The following RALYL variants were observed in gnomAD, a reference collection of about 807,000 sequenced individuals.
RALYL encodes the protein RNA-binding Raly-like protein.
A neutral mutation model predicts 35.1 loss-of-function variants in RALYL; 29 were observed. The observed-to-expected ratio is 0.83, with a 90% confidence interval of 0.61 to 1.13. The LOEUF is 1.13. Ranked by LOEUF, RALYL falls within the 50% of genes most tolerant of loss-of-function variation. The pLI is 0.00. For missense variants in RALYL, 359 were observed against 360.4 expected, an observed-to-expected ratio of 1.00 and a Z score of 0.03; for synonymous variants, 120 against 127.6, an observed-to-expected ratio of 0.94 and a Z score of 0.40.
At chr8:84,556,476 C>T (rs891988703) in intron 2 of RALYL, among the ~76,000 whole-genome samples, 3 of 151,866 alleles carry the variant, frequency 2.0e-5, no homozygotes, top group African/African-American at 7.3e-5. Flanking sequence ...AAGCTCCTAT[C>T]GACCATGAAG....
chr8:84,744,156 G>A (rs1041337306), intron 2 of RALYL, among the ~76,000 whole-genome samples: 4 of 152,034 alleles, frequency 2.6e-5, no homozygotes, highest in Non-Finnish European at 5.9e-5. Context: ...GCAGGAGATA[G>A]TTAGATATTG....
chr8:84,446,547 T>C (rs1234980588), intron 1 of RALYL, among the ~76,000 whole-genome samples: 1 of 152,092 alleles, frequency 6.6e-6, no homozygotes, highest in African/African-American at 2.4e-5. Flanking sequence ...TTCTTCCTGG[T>C]ATGTCAATTT....
At chr8:84,818,273 G>A (rs183441148) in intron 4 of RALYL, among the ~76,000 whole-genome samples, 1 of 152,312 alleles carries the variant, frequency 6.6e-6, no homozygotes, top group East Asian at 1.9e-4. Context: ...CTGATTTAAG[G>A]ATGGTTGGTA....
chr8:84,317,439 T>G (rs1843963622), intron 1 of RALYL, among the ~76,000 whole-genome samples: 1 of 152,138 alleles, frequency 6.6e-6, no homozygotes, highest in Admixed American at 6.6e-5. Context: ...CTGCCTCAAT[T>G]CTAATGTCAT....
intron 2 of RALYL, among the ~76,000 whole-genome samples, chr8:84,748,460 C>G (rs890590601): frequency 6.6e-6 from 1 of 151,954 alleles, no homozygotes. Context: ...CTCTCAAGGA[C>G]AAGATGATCT....
At chr8:84,355,105 A>G (rs60228936) in intron 1 of RALYL, among the ~76,000 whole-genome samples, 7,509 of 150,228 alleles carry the variant, frequency 0.05, 1,041 homozygotes, top group African/African-American at 0.17. Flanking sequence ...CATGAAGAAG[A>G]CGTAAGGAGA....
At chr8:84,616,634 T>G (rs1819749280) in intron 2 of RALYL, among the ~76,000 whole-genome samples, 1 of 151,402 alleles carries the variant, frequency 6.6e-6, no homozygotes, top group African/African-American at 2.4e-5. Flanking sequence ...TTGTTGCCAT[T>G]GCTTTTGGTG....
chr8:84,361,807 G>A (rs910860617), intron 1 of RALYL, among the ~76,000 whole-genome samples: 1 of 152,158 alleles, frequency 6.6e-6, no homozygotes, highest in African/African-American at 2.4e-5. Context: ...GAACTGGTGG[G>A]TGAAGAAGTT....
intron 1 of RALYL, among the ~76,000 whole-genome samples, chr8:84,421,553 T>A (rs1328314894): frequency 1.5e-5 from 2 of 136,972 alleles, no homozygotes; most frequent in Non-Finnish European, 3.1e-5. Context: ...TTCTCCTGCC[T>A]AATTGCCCTG....
At chr8:84,543,086 T>C (rs1327470679) in intron 2 of RALYL, among the ~76,000 whole-genome samples, 2 of 152,144 alleles carry the variant, frequency 1.3e-5, no homozygotes, top group Admixed American at 1.3e-4. Flanking sequence ...CTTCTCTGTG[T>C]TTCTTGTACT....
chr8:84,545,978 G>A (rs922829732), intron 2 of RALYL, among the ~76,000 whole-genome samples: 3 of 152,100 alleles, frequency 2.0e-5, no homozygotes, highest in Non-Finnish European at 4.4e-5. Flanking sequence ...GAACATTCTT[G>A]TGTTGCTCCT....
At chr8:84,312,999 G>A (rs560328354) in intron 1 of RALYL, among the ~76,000 whole-genome samples, 3 of 152,324 alleles carry the variant, frequency 2.0e-5, no homozygotes, top group East Asian at 1.9e-4. Context: ...GGACATCCAG[G>A]CATTTCCATA....
At chr8:84,295,206 A>T (rs1586025420) in intron 1 of RALYL, among the ~76,000 whole-genome samples, 1 of 152,232 alleles carries the variant, frequency 6.6e-6, no homozygotes, top group East Asian at 1.9e-4. Context: ...TCAAACAGAG[A>T]AAATTTGATT....
rs763748369 is a variant in RALYL at position 84,359,879 on chromosome 8, T to A, written c.-23-169420T>A. Among the ~76,000 whole-genome samples, 7 of 126,566 alleles carry A rather than the reference T, an allele frequency of 5.5e-5. No homozygotes were observed. The East Asian group carries it at 1.1e-3, about 19-fold the overall frequency. The allele number at this position is 126,566 out of a possible 152,430, so 83.0% of individuals were successfully genotyped here. A position where few individuals can be genotyped will look rare whatever the true frequency, so the allele number is the denominator to read the frequency against. On this transcript the variant is annotated intron_variant, in intron 1 of 8. Coordinates refer to ENST00000521268, the MANE Select transcript of RALYL (RefSeq NM_173848.7). ...AAATGAAATACAATTAAAAATATCA[T>A]GTTTTTTTTTTTTTTCTTTTAACTT...
At chr8:84,822,830 A>G (rs1828821713) in intron 4 of RALYL, among the ~76,000 whole-genome samples, 2 of 152,162 alleles carry the variant, frequency 1.3e-5, no homozygotes, top group South Asian at 4.1e-4. Context: ...CAGGAAGTAG[A>G]TCTTATGATG....
chr8:84,327,367 A>G (rs550404945), intron 1 of RALYL, among the ~76,000 whole-genome samples: 1 of 152,304 alleles, frequency 6.6e-6, no homozygotes, highest in South Asian at 2.1e-4. Context: ...ACAATTCCAC[A>G]GTGGCAGCCT....
intron 2 of RALYL, among the ~76,000 whole-genome samples, chr8:84,590,520 CTGAA>C (rs1489435974): frequency 4.6e-5 from 7 of 152,146 alleles, no homozygotes; most frequent in Admixed American, 1.3e-4. Context: ...AAATGAGTGA[CTGAA>C]TGAGCTCATT....
chr8:84,850,252 T>C (rs1835559957), intron 5 of RALYL, among the ~76,000 whole-genome samples: 1 of 152,186 alleles, frequency 6.6e-6, no homozygotes, highest in Non-Finnish European at 1.5e-5. Flanking sequence ...TGCTCAAACC[T>C]AAGATTTGGT....
intron 2 of RALYL, among the ~76,000 whole-genome samples, chr8:84,735,312 G>A (rs1485044995): frequency 6.6e-6 from 1 of 151,782 alleles, no homozygotes; most frequent in South Asian, 2.1e-4. Context: ...ATTAATAAAG[G>A]ATAAAAGGAA....
Sources: gnomAD v4.1 joint callset for allele counts (sites outside exome capture counted in the v4.1 genomes callset) on GRCh38, gnomAD v4.1.1 for gene constraint, MANE v1.5 for transcripts, NCBI Gene and HGNC (gene_info 2026-07-23, HGNC 2026-07-21) for gene names.